CAST: variants seen among roughly 807,000 people sequenced by gnomAD.
The protein encoded by CAST is MIR583 host.
A neutral mutation model predicts 119.6 loss-of-function variants in CAST; 76 were observed. The observed-to-expected ratio is 0.64, with a 90% CI of 0.53 to 0.77. CAST has a LOEUF of 0.77. CAST is among the 30% of genes least tolerant of loss of function. The pLI is 0.00. For synonymous variants in CAST, 319 were observed against 331.6 expected, an observed-to-expected ratio of 0.96 and a Z score of 0.41; for missense variants, 953 against 946.5, an observed-to-expected ratio of 1.01 and a Z score of -0.09.
chr5:96,131,013 G>A, the CAST span, among the ~76,000 whole-genome samples: 119 of 152,174 alleles, frequency 7.8e-4, 1 homozygote, highest in African/African-American at 2.8e-3. Flanking sequence ...TCTAGCAATT[G>A]TAGTTTCCCA....
At chr5:96,265,628 C>T in the CAST span, among the ~76,000 whole-genome samples, 2 of 152,180 alleles carry the variant, frequency 1.3e-5, no homozygotes, top group Non-Finnish European at 2.9e-5. Flanking sequence ...TACTCAGTCT[C>T]TGATTCAAAT....
chr5:96,730,600 T>C (rs1760253380), intron 8 of CAST, among the ~76,000 whole-genome samples, 180 bp from the exon 9 acceptor site: 1 of 152,222 alleles, frequency 6.6e-6, no homozygotes, highest in South Asian at 2.1e-4. Flanking sequence ...TTTAGGCTCT[T>C]GAGTCCAGCT....
chr5:96,246,331 C>T, the CAST span, among the ~76,000 whole-genome samples: 3 of 151,936 alleles, frequency 2.0e-5, no homozygotes, highest in East Asian at 3.9e-4. Flanking sequence ...TACAGGCACC[C>T]GCCACCATGC....
chr5:96,721,104 T>C (rs1171283033), intron 3 of CAST, among the ~76,000 whole-genome samples: 1 of 152,206 alleles, frequency 6.6e-6, no homozygotes, highest in Non-Finnish European at 1.5e-5. Flanking sequence ...GGAAAATCTG[T>C]CTTGGTACAT....
At chr5:96,088,957 C>A in the CAST span, among the ~76,000 whole-genome samples, 65 of 152,036 alleles carry the variant, frequency 4.3e-4, no homozygotes, top group Middle Eastern at 3.4e-3. Flanking sequence ...TTACAGCCAA[C>A]TGCTTGTTTT....
In CAST at chr5:96,556,636, A is replaced by C. The variant is rs181704926; in HGVS notation, c.60+26756A>C. 3.5e-3 allele frequency among the ~76,000 whole-genome samples: 535 copies of C among 152,330 alleles called. 18 individuals are homozygous for C. The East Asian group carries it at 0.074, about 21-fold the overall frequency. ...GATGGAAGACCAAATGAATGAAATG[A>C]AGTGAGAAGAGAAGTTTAGAGAAAA... On this transcript the variant is annotated intron_variant, in intron 1 of 11. Transcript: ENST00000505143.
At chr5:96,752,029 G>A (rs983150363) in intron 20 of CAST, among the ~76,000 whole-genome samples, 1 of 152,158 alleles carries the variant, frequency 6.6e-6, no homozygotes, top group African/African-American at 2.4e-5. Flanking sequence ...TAGCTGTAGA[G>A]TGTAATAAAG....
chr5:96,684,178 C>T (rs1414326721), intron 2 of CAST, among the ~76,000 whole-genome samples: 1 of 152,172 alleles, frequency 6.6e-6, no homozygotes, highest in African/African-American at 2.4e-5. Context: ...AATGAGGATA[C>T]TAATAGTTCT....
chr5:96,475,673 T>A, the CAST span, among the ~76,000 whole-genome samples: 1 of 152,156 alleles, frequency 6.6e-6, no homozygotes, highest in African/African-American at 2.4e-5. Context: ...TCAGTCCATG[T>A]GTAACAAGCA....
At chr5:96,381,894 A>G in the CAST span, among the ~76,000 whole-genome samples, 1 of 152,184 alleles carries the variant, frequency 6.6e-6, no homozygotes, top group Non-Finnish European at 1.5e-5. Context: ...TTCGGTTTTA[A>G]GTGCATTTTC....
the CAST span, among the ~76,000 whole-genome samples, chr5:96,078,550 C>T: frequency 2.0e-5 from 3 of 152,216 alleles, no homozygotes; most frequent in South Asian, 4.1e-4. Context: ...TGTGCCACCA[C>T]GCCCGGCTAA....
the CAST span, among the ~76,000 whole-genome samples, chr5:96,317,750 G>T: frequency 6.6e-6 from 1 of 152,084 alleles, no homozygotes; most frequent in Non-Finnish European, 1.5e-5. Context: ...TATATTAATA[G>T]GCTGAGTGAA....
rs1289585295 is a variant in CAST at position 96,704,019 on chromosome 5, T to G, written c.210+8112T>G. Among the ~76,000 whole-genome samples, 3 of 152,154 alleles carry G rather than the reference T, an allele frequency of 2.0e-5. No homozygotes were observed. The East Asian group carries it at 5.8e-4, about 29-fold the overall frequency. ...TGGGTTCTAGGAGGCAGTATAGGAT[T>G]AAAATGAAGTAGTGAAATTTAGCAA... On this transcript the variant is annotated intron_variant, in intron 3 of 31. Coordinates refer to ENST00000675179, the MANE Select transcript of CAST (RefSeq NM_001750.7).
chr5:96,500,874 T>C, the CAST span, among the ~76,000 whole-genome samples: 1 of 152,202 alleles, frequency 6.6e-6, no homozygotes, highest in Non-Finnish European at 1.5e-5. Flanking sequence ...GGAAAAGAGA[T>C]ATATTTTAAA....
the CAST span, among the ~76,000 whole-genome samples, chr5:95,985,962 C>G: frequency 6.6e-6 from 1 of 152,170 alleles, no homozygotes; most frequent in South Asian, 2.1e-4. Flanking sequence ...GGGTTTTTTA[C>G]TTTTTACATT....
At chr5:96,286,853 C>T in the CAST span, among the ~76,000 whole-genome samples, 4 of 151,888 alleles carry the variant, frequency 2.6e-5, no homozygotes, top group Non-Finnish European at 2.9e-5. Context: ...AATTCCCTTG[C>T]AGTTAGAAGA....
the CAST span, among the ~76,000 whole-genome samples, chr5:96,464,841 A>G: frequency 2.4e-4 from 37 of 152,168 alleles, 1 homozygote; most frequent in Middle Eastern, 3.4e-3. Context: ...CTTGACATCC[A>G]ATACAGCAAG....
chr5:96,212,057 A>G, the CAST span, among the ~76,000 whole-genome samples: 2 of 151,904 alleles, frequency 1.3e-5, no homozygotes, highest in Non-Finnish European at 2.9e-5. Flanking sequence ...TGTCAATGTA[A>G]TTGATCTTCT....
the CAST span, among the ~76,000 whole-genome samples, chr5:96,123,346 C>G: frequency 6.6e-6 from 1 of 152,060 alleles, no homozygotes; most frequent in Non-Finnish European, 1.5e-5. Context: ...GACACCTAGG[C>G]CAGTTCTCCA....
Sources: allele counts gnomAD v4.1 joint callset (sites outside exome capture counted in the v4.1 genomes callset), GRCh38; gene constraint gnomAD v4.1.1; transcripts MANE v1.5; gene names NCBI Gene and HGNC (gene_info 2026-07-23, HGNC 2026-07-21).